CPXM2: variants seen among roughly 807,000 people sequenced by gnomAD.
CPXM2 encodes the protein carboxypeptidase X, M14 family member 2, also known as inactive carboxypeptidase-like protein X2.
In CPXM2, 66 loss-of-function variants were observed where a neutral mutation model predicts 86.1. The ratio of observed to expected loss-of-function variants is 0.77; its 90% CI spans 0.63 to 0.94. CPXM2 has a LOEUF of 0.94. Among genes scored for constraint, CPXM2 ranks in the 40% least tolerant of loss-of-function variants. CPXM2 has a pLI of 0.00. For missense variants in CPXM2, 948 were observed against 1,026.3 expected, an observed-to-expected ratio of 0.92 and a Z score of 1.04; for synonymous variants, 388 against 400.2, an observed-to-expected ratio of 0.97 and a Z score of 0.36.
intron 6 of CPXM2, among the ~76,000 whole-genome samples, chr10:123,788,873 T>C (rs1329572013): frequency 1.6e-5 from 1 of 61,558 alleles, no homozygotes; most frequent in Non-Finnish European, 3.1e-5. Flanking sequence ...AATTTCACCT[T>C]GATTGAAAAA....
chr10:123,901,764 A>G (rs902128275), intron 2 of CPXM2, among the ~76,000 whole-genome samples: 9 of 152,188 alleles, frequency 5.9e-5, no homozygotes, highest in South Asian at 2.1e-4. Flanking sequence ...GGACTTTCAC[A>G]GAGCACCTGA....
chr10:123,761,245 T>C (rs1166473471), intron 11 of CPXM2, among the ~76,000 whole-genome samples: 4 of 152,182 alleles, frequency 2.6e-5, no homozygotes, highest in Non-Finnish European at 5.9e-5. Flanking sequence ...GCTGTGGGTA[T>C]GAGTGTGACG....
At chr10:123,772,189 C>G (rs1051751186) in intron 7 of CPXM2, among the ~76,000 whole-genome samples, 1 of 150,984 alleles carries the variant, frequency 6.6e-6, no homozygotes, top group Non-Finnish European at 1.5e-5. Flanking sequence ...TTACCACCTC[C>G]CTGGTTGTGG....
intron 7 of CPXM2, among the ~76,000 whole-genome samples, chr10:123,772,479 C>T (rs1249003628): frequency 6.6e-6 from 1 of 151,886 alleles, no homozygotes; most frequent in Non-Finnish European, 1.5e-5. Flanking sequence ...ATGGTTATCA[C>T]TCCCCTGGTT....
chr10:123,764,820 A>G (rs889016293), intron 10 of CPXM2, among the ~76,000 whole-genome samples: 3 of 151,820 alleles, frequency 2.0e-5, no homozygotes, highest in Non-Finnish European at 4.4e-5. Context: ...TTATTTATTT[A>G]TTTGCTAACT....
At position 123,746,678 on chromosome 10, in the gene CPXM2, C is replaced by G. The variant is rs1286509632; in HGVS notation, c.*86G>C. The G allele has an allele frequency of 2.3e-6, 3 of 1,302,704 alleles. No homozygotes were observed. In the African/African-American group the frequency reaches 4.4e-5, roughly 19 times the overall value. The allele number at this position is 1,302,704 out of a possible 1,614,324, so 80.7% of individuals were successfully genotyped here. On this transcript the variant is annotated 3_prime_UTR_variant, in exon 14 of 14. Coordinates refer to ENST00000241305, the MANE Select transcript of CPXM2 (RefSeq NM_198148.3). The stretch of plus-strand genomic sequence containing the variant: ...GGCACTTCTTGAATTACAGAGGAAA[C>G]AACAGTGAGTGAGTCCACTATGGAG...
intron 1 of CPXM2, among the ~76,000 whole-genome samples, chr10:123,880,654 C>T (rs576074919): frequency 1.3e-5 from 2 of 151,746 alleles, no homozygotes; most frequent in East Asian, 3.9e-4. Flanking sequence ...ACGGTGAAAC[C>T]CTGTCTCTAC....
At position 123,834,737 on chromosome 10, in the gene CPXM2, G is replaced by A. The variant is rs772230247; in HGVS notation, c.653+7612C>T. On this transcript the variant is annotated intron_variant, in intron 4 of 13. Coordinates refer to ENST00000241305, the MANE Select transcript of CPXM2 (RefSeq NM_198148.3). ...GGAAATCTGATCCCGTGTTGGAGGT[G>A]CAGCTTAATGGGAGGTGTCTGGGTC... Among the ~76,000 whole-genome samples the A allele has an allele frequency of 3.3e-5, 5 of 152,214 alleles. No homozygotes were observed. The South Asian group carries it at 8.3e-4, about 25-fold the overall frequency.
intron 2 of CPXM2, among the ~76,000 whole-genome samples, chr10:123,868,797 C>T (rs1007842251): frequency 6.6e-6 from 1 of 152,052 alleles, no homozygotes; most frequent in African/African-American, 2.4e-5. Flanking sequence ...CCGGCAGGTG[C>T]AGCAGACACT....
chr10:123,753,793 T>C (rs563309120), intron 13 of CPXM2, among the ~76,000 whole-genome samples: 1 of 152,316 alleles, frequency 6.6e-6, no homozygotes, highest in East Asian at 1.9e-4. Context: ...CACTGCCTTT[T>C]AGAGATCATC....
intron 11 of CPXM2, among the ~76,000 whole-genome samples, chr10:123,760,158 C>T (rs979967343): frequency 6.6e-6 from 1 of 152,164 alleles, no homozygotes; most frequent in Non-Finnish European, 1.5e-5. Flanking sequence ...CAAACGCTAC[C>T]TATGTGCTTG....
At chr10:123,921,843 T>G (rs900203053) in intron 2 of CPXM2, among the ~76,000 whole-genome samples, 1 of 152,134 alleles carries the variant, frequency 6.6e-6, no homozygotes, top group Non-Finnish European at 1.5e-5. Flanking sequence ...ACATCCAACT[T>G]TGAGGAGGAA....
chr10:123,871,642 C>T (rs373421374), intron 2 of CPXM2, among the ~76,000 whole-genome samples: 3 of 152,160 alleles, frequency 2.0e-5, no homozygotes, highest in Admixed American at 2.0e-4. Flanking sequence ...AAAATATCTT[C>T]ATGACCTTGG....
chr10:123,915,532 T>A (rs568047133), intron 2 of CPXM2, among the ~76,000 whole-genome samples: 6 of 151,934 alleles, frequency 3.9e-5, no homozygotes, highest in African/African-American at 1.4e-4. Flanking sequence ...CAGTACAGCC[T>A]GGGCAACAGA....
chr10:123,919,352 A>T (rs948074740), intron 2 of CPXM2, among the ~76,000 whole-genome samples: 14 of 152,270 alleles, frequency 9.2e-5, no homozygotes, highest in Non-Finnish European at 1.3e-4. Context: ...ATAGCATGAT[A>T]ACATAATATT....
intron 2 of CPXM2, among the ~76,000 whole-genome samples, chr10:123,875,356 G>T (rs1329653367): frequency 6.6e-6 from 1 of 152,164 alleles, no homozygotes; most frequent in Non-Finnish European, 1.5e-5. Context: ...GTCAAGAGGG[G>T]TGTGACTCTG....
intron 13 of CPXM2, among the ~76,000 whole-genome samples, chr10:123,748,169 T>C (rs985200132): frequency 6.6e-6 from 1 of 152,088 alleles, no homozygotes; most frequent in South Asian, 2.1e-4. Flanking sequence ...GTGAGTAATT[T>C]GATGCCCAGA....
At chr10:123,880,600 C>G (rs561980612) in intron 1 of CPXM2, among the ~76,000 whole-genome samples, 1 of 151,980 alleles carries the variant, frequency 6.6e-6, no homozygotes, top group South Asian at 2.1e-4. Context: ...GAGGCTAAGG[C>G]GGGTGGATCA....
At position 123,768,680 on chromosome 10, in the gene CPXM2, T is replaced by C. The variant is rs1268383279; in HGVS notation, c.1145A>G (p.Glu382Gly). ...CAGCAGCAGCTCCCGGCCCAGCACC[T>C]CATTGCCGTGGGCCCCCGCGATGTA... ...FHYIAGAHGN[E>G]VLGRELLLLL... The change falls in exon 9 of 14, where the codon GAG (glutamate) becomes GGG (glycine). Residue 382 changes from glutamate to glycine, a missense_variant. Physicochemically the swap from Glu to Gly is moderately conservative, Grantham distance 98 (BLOSUM62 -2). Transcript: ENST00000241305. 1.2e-6 allele frequency: 2 copies of C among 1,612,178 alleles called. No individual in the cohort carries two copies. The highest frequency in any genetic ancestry group is 3.3e-5 in the Admixed American group (2 of 59,996).
Sources: allele counts gnomAD v4.1 joint callset (sites outside exome capture counted in the v4.1 genomes callset), GRCh38; gene constraint gnomAD v4.1.1; transcripts MANE v1.5; gene names NCBI Gene and HGNC (gene_info 2026-07-23, HGNC 2026-07-21).